SLC16A10: variants seen among roughly 807,000 people sequenced by gnomAD.
SLC16A10 encodes monocarboxylate transporter 10.
A neutral mutation model predicts 40.0 loss-of-function variants in SLC16A10; 27 were observed. The ratio of observed to expected loss-of-function variants is 0.67; its 90% CI spans 0.50 to 0.93. The LOEUF (loss-of-function observed/expected upper bound fraction) is 0.93, where lower values mean the gene tolerates loss of function less well. SLC16A10 is among the 40% of genes least tolerant of loss of function. The pLI is 0.00. For synonymous variants in SLC16A10, 213 were observed against 249.8 expected, an observed-to-expected ratio of 0.85 and a Z score of 1.39; for missense variants, 529 against 658.2, an observed-to-expected ratio of 0.80 and a Z score of 2.15.
intron 3 of SLC16A10, among the ~76,000 whole-genome samples, chr6:111,186,020 C>G (rs761829002): frequency 2.6e-5 from 4 of 152,064 alleles, no homozygotes; most frequent in Non-Finnish European, 4.4e-5. Flanking sequence ...CCACCTCAGC[C>G]TCCCAAGTAG....
chr6:111,135,318 G>A (rs557224059), intron 1 of SLC16A10, among the ~76,000 whole-genome samples: 8 of 152,208 alleles, frequency 5.3e-5, no homozygotes, highest in East Asian at 3.9e-4. Context: ...CCCTTAGACT[G>A]GAGGCCCACC....
At chr6:111,100,990 C>CTATATATA (rs1191509816) in intron 1 of SLC16A10, among the ~76,000 whole-genome samples, 7 of 70,980 alleles carry the variant, frequency 9.9e-5, no homozygotes, top group South Asian at 4.2e-4. Context: ...CTCTCTCTCT[C>CTATATATA]TCTATATATA....
chr6:111,100,990 C>CTATATATATATATA (rs1191509816), intron 1 of SLC16A10, among the ~76,000 whole-genome samples: 3 of 70,984 alleles, frequency 4.2e-5, no homozygotes, highest in African/African-American at 1.9e-4. Flanking sequence ...CTCTCTCTCT[C>CTATATATATATATA]TCTATATATA....
chr6:111,128,773 TATA>T (rs893551763), intron 1 of SLC16A10, among the ~76,000 whole-genome samples: 3 of 152,086 alleles, frequency 2.0e-5, no homozygotes, highest in Non-Finnish European at 2.9e-5. Context: ...TTGCACAGAC[TATA>T]ATAATAATTA....
At chr6:111,198,036 C>T (rs1358152537) in intron 3 of SLC16A10, among the ~76,000 whole-genome samples, 1 of 152,158 alleles carries the variant, frequency 6.6e-6, no homozygotes, top group African/African-American at 2.4e-5. Flanking sequence ...CCTGTAATCG[C>T]AGCACTTTGA....
At chr6:111,134,388 A>G (rs1194208070) in intron 1 of SLC16A10, among the ~76,000 whole-genome samples, 1 of 152,334 alleles carries the variant, frequency 6.6e-6, no homozygotes, top group East Asian at 1.9e-4. Context: ...ATTGAAGGCC[A>G]ACTAATCTTA....
intron 1 of SLC16A10, among the ~76,000 whole-genome samples, chr6:111,113,301 C>T (rs1309647814): frequency 2.0e-5 from 3 of 151,952 alleles, no homozygotes; most frequent in African/African-American, 7.3e-5. Flanking sequence ...TTTAATACAC[C>T]CCTGTAAGAG....
At chr6:111,165,579 G>C (rs1330577327) in intron 1 of SLC16A10, among the ~76,000 whole-genome samples, 1 of 152,108 alleles carries the variant, frequency 6.6e-6, no homozygotes, top group Non-Finnish European at 1.5e-5. Flanking sequence ...TCACCAAGTG[G>C]CCAATATTTC....
intron 1 of SLC16A10, among the ~76,000 whole-genome samples, chr6:111,089,383 G>T (rs185935430): frequency 1.3e-5 from 2 of 152,244 alleles, no homozygotes; most frequent in African/African-American, 4.8e-5. Flanking sequence ...TAGGTGGTTT[G>T]CATTGTTTGA....
chr6:111,219,080 T>C, intron 5 of SLC16A10, 38 bp downstream of exon 5: 1 of 1,545,228 alleles, frequency 6.5e-7, no homozygotes, highest in Non-Finnish European at 8.9e-7. Flanking sequence ...TATTAATTCA[T>C]AGTATTTTCT....
chr6:111,210,220 G>C (rs911019303), intron 4 of SLC16A10, among the ~76,000 whole-genome samples: 1 of 152,138 alleles, frequency 6.6e-6, no homozygotes, highest in East Asian at 1.9e-4. Flanking sequence ...AGGTACCATT[G>C]TTATTTCCAC....
intron 3 of SLC16A10, among the ~76,000 whole-genome samples, chr6:111,189,068 T>G (rs944810277): frequency 9.9e-5 from 15 of 152,234 alleles, no homozygotes; most frequent in Admixed American, 9.2e-4. Flanking sequence ...GTATCTATTG[T>G]GTGCCATAGA....
intron 3 of SLC16A10, among the ~76,000 whole-genome samples, chr6:111,188,548 C>G (rs1772939120): frequency 6.6e-6 from 1 of 151,978 alleles, no homozygotes; most frequent in Non-Finnish European, 1.5e-5. Flanking sequence ...CCTTGAACTC[C>G]TGGTGTCAAG....
intron 1 of SLC16A10, among the ~76,000 whole-genome samples, chr6:111,163,118 T>G (rs1772402080): frequency 6.6e-6 from 1 of 152,010 alleles, no homozygotes; most frequent in Non-Finnish European, 1.5e-5. Flanking sequence ...ATTTGGTTAT[T>G]TCTGAGCTTT....
At chr6:111,105,032 G>A (rs901817484) in intron 1 of SLC16A10, among the ~76,000 whole-genome samples, 20 of 151,772 alleles carry the variant, frequency 1.3e-4, no homozygotes, top group Admixed American at 5.9e-4. Context: ...CCAAAACTTC[G>A]TCTTAAGACT....
intron 1 of SLC16A10, among the ~76,000 whole-genome samples, chr6:111,138,133 A>G (rs1268558202): frequency 6.6e-6 from 1 of 152,260 alleles, no homozygotes; most frequent in African/African-American, 2.4e-5. Context: ...TATGGTAAAC[A>G]TTATATAAGC....
rs1285486572 is a variant in SLC16A10, at chr6:111,231,178, A to C, written c.*8943A>C. Reference sequence around the variant, plus strand: ...GATACTCTTAGTAAATGCAATAAAAACTTTTTAGCAAATTCCTATAAGGCT... The same window carrying C: ...GATACTCTTAGTAAATGCAATAAAACCTTTTTAGCAAATTCCTATAAGGCT... On this transcript the variant is annotated 3_prime_UTR_variant, in exon 6 of 6. Transcript: ENST00000368851. 1 of 145,238 alleles carries C rather than the reference A, an allele frequency of 6.9e-6. No individual in the cohort carries two copies. The highest frequency in any genetic ancestry group is 2.6e-5 in the African/African-American group (1 of 38,646). 9.0% of individuals were successfully genotyped at this position (145,238 alleles called of 1,614,324 possible). A position where few individuals can be genotyped will look rare whatever the true frequency, so the allele number is the denominator to read the frequency against.
chr6:111,096,650 T>C (rs1771079531), intron 1 of SLC16A10, among the ~76,000 whole-genome samples: 1 of 152,162 alleles, frequency 6.6e-6, no homozygotes, highest in Non-Finnish European at 1.5e-5. Context: ...TAAAAAAAAG[T>C]CGATGAAGAA....
At chr6:111,088,319 C>A (rs111553536) in intron 1 of SLC16A10, among the ~76,000 whole-genome samples, 4,836 of 152,242 alleles carry the variant, frequency 0.032, 245 homozygotes, top group African/African-American at 0.11. Flanking sequence ...TGTGTGTTTG[C>A]AAGCAGGTCG....
Sources: allele counts gnomAD v4.1 joint callset (sites outside exome capture counted in the v4.1 genomes callset), GRCh38; gene constraint gnomAD v4.1.1; transcripts MANE v1.5; gene names NCBI Gene and HGNC (gene_info 2026-07-23, HGNC 2026-07-21).